NR6A1: variants seen among roughly 807,000 people sequenced by gnomAD.
The protein encoded by NR6A1 is nuclear receptor subfamily 6 group A member 1.
Under a neutral mutation model 59.1 loss-of-function variants are expected in NR6A1, and 7 were observed. That is an observed-to-expected ratio of 0.12 (90% CI 0.07 to 0.22). NR6A1 has a LOEUF of 0.22. Ranked by LOEUF, NR6A1 falls within the 10% of genes least tolerant of loss-of-function variation. NR6A1 has a pLI of 1.00. For synonymous variants in NR6A1, 243 were observed against 236.1 expected, an observed-to-expected ratio of 1.03 and a Z score of -0.27; for missense variants, 468 against 611.6, an observed-to-expected ratio of 0.77 and a Z score of 2.48.
At chr9:124,691,685 G>C (rs990238434) in intron 2 of NR6A1, among the ~76,000 whole-genome samples, 1 of 152,168 alleles carries the variant, frequency 6.6e-6, no homozygotes, top group East Asian at 1.9e-4. Flanking sequence ...TTTACATTAG[G>C]TGGTGGGTTT....
At chr9:124,754,552 G>A (rs1325260152) in intron 1 of NR6A1, among the ~76,000 whole-genome samples, 2 of 152,112 alleles carry the variant, frequency 1.3e-5, no homozygotes, top group African/African-American at 2.4e-5. Context: ...CTGGGCTGCA[G>A]GGCATGGGGG....
intron 2 of NR6A1, among the ~76,000 whole-genome samples, chr9:124,692,045 A>G (rs1025604856): frequency 5.3e-5 from 8 of 152,208 alleles, no homozygotes; most frequent in African/African-American, 1.9e-4. Context: ...TGGCAATGTA[A>G]CTTTAGGCAA....
At chr9:124,588,095 AAACT>A (rs1200136047) in intron 2 of NR6A1, among the ~76,000 whole-genome samples, 11 of 152,210 alleles carry the variant, frequency 7.2e-5, no homozygotes, top group African/African-American at 1.7e-4. Context: ...ATGGTTAGTG[AAACT>A]AACTAACTAA....
intron 2 of NR6A1, among the ~76,000 whole-genome samples, chr9:124,695,715 A>C (rs1838733826): frequency 6.6e-6 from 1 of 152,116 alleles, no homozygotes. Flanking sequence ...TGGTAGACAC[A>C]CAGAAGGTAC....
intron 1 of NR6A1, among the ~76,000 whole-genome samples, chr9:124,737,364 C>G (rs908916330): frequency 6.6e-6 from 1 of 152,162 alleles, no homozygotes; most frequent in African/African-American, 2.4e-5. Context: ...AAACCACATA[C>G]CTACTGACCA....
chr9:124,749,934 GATT>G (rs1319698878), intron 1 of NR6A1, among the ~76,000 whole-genome samples: 2 of 152,184 alleles, frequency 1.3e-5, no homozygotes, highest in African/African-American at 4.8e-5. Flanking sequence ...AGTAAGAGAT[GATT>G]ATTTGGTATA....
At chr9:124,721,727 AAT>A (rs1203987328) in intron 2 of NR6A1, among the ~76,000 whole-genome samples, 1 of 152,198 alleles carries the variant, frequency 6.6e-6, no homozygotes, top group Non-Finnish European at 1.5e-5. Flanking sequence ...ACACTTCAAA[AAT>A]AGTCTTCATT....
At chr9:124,547,313 C>T (rs983189028) in intron 3 of NR6A1, among the ~76,000 whole-genome samples, 3 of 152,198 alleles carry the variant, frequency 2.0e-5, no homozygotes, top group South Asian at 2.1e-4. Flanking sequence ...CAAAACCTGT[C>T]GGTGGTGCCT....
At position 124,615,673 on chromosome 9, in the gene NR6A1, T is replaced by A. The variant is rs573804072; in HGVS notation, c.143-61103A>T. Reference sequence around the variant, plus strand: ...CAAAACTTGGTAAGCAGACACTGAGTCACAAGGCTTTTGTCAAAGAGCTGA... The same window carrying A: ...CAAAACTTGGTAAGCAGACACTGAGACACAAGGCTTTTGTCAAAGAGCTGA... On this transcript the variant is annotated intron_variant, in intron 2 of 9. Coordinates refer to ENST00000487099, the MANE Select transcript of NR6A1 (RefSeq NM_033334.4). Among the ~76,000 whole-genome samples the A allele has an allele frequency of 4.0e-5, 6 of 151,806 alleles. No homozygotes were observed. In the South Asian group the frequency reaches 1.3e-3, roughly 32 times the overall value.
chr9:124,583,157 C>T (rs1341407255), intron 2 of NR6A1, among the ~76,000 whole-genome samples: 1 of 152,066 alleles, frequency 6.6e-6, no homozygotes, highest in African/African-American at 2.4e-5. Context: ...CACCCACACC[C>T]ACCCCTTGCT....
Position 124,635,775 on chromosome 9 carries a change from T to C in NR6A1, c.143-81205A>G, listed in dbSNP as rs554553153. On this transcript the variant is annotated intron_variant, in intron 2 of 9. Coordinates refer to ENST00000487099, the MANE Select transcript of NR6A1 (RefSeq NM_033334.4). ...TGTTATCTACTCTCCTACTGAAGGATATCTTGGTTGCTCCCATGTTTTGGC... is the reference window on the plus strand; with the variant it reads ...TGTTATCTACTCTCCTACTGAAGGACATCTTGGTTGCTCCCATGTTTTGGC... Among the ~76,000 whole-genome samples, 18 of 152,364 alleles carry C rather than the reference T, an allele frequency of 1.2e-4. No homozygotes were observed. In the East Asian group the frequency reaches 3.1e-3, roughly 26 times the overall value.
chr9:124,742,023 C>T (rs541551298), intron 1 of NR6A1, among the ~76,000 whole-genome samples: 13 of 152,232 alleles, frequency 8.5e-5, no homozygotes, highest in Admixed American at 8.5e-4. Context: ...CATGTGAAAG[C>T]ACTAAATAGA....
chr9:124,657,973 C>G (rs1221155856), intron 2 of NR6A1, among the ~76,000 whole-genome samples: 1 of 152,132 alleles, frequency 6.6e-6, no homozygotes, highest in East Asian at 1.9e-4. Flanking sequence ...CCTATAAAAT[C>G]AAGACCAAGG....
At chr9:124,579,155 C>T (rs758689218) in intron 2 of NR6A1, among the ~76,000 whole-genome samples, 9 of 152,234 alleles carry the variant, frequency 5.9e-5, no homozygotes, top group Non-Finnish European at 1.2e-4. Context: ...TGGTGGCATG[C>T]ACCTGTGGTC....
chr9:124,681,338 CTTTT>C (rs779847656), intron 2 of NR6A1, among the ~76,000 whole-genome samples: 3 of 110,782 alleles, frequency 2.7e-5, no homozygotes, highest in African/African-American at 6.8e-5. Flanking sequence ...AACATTTGAG[CTTTT>C]TTTTTTTTTT....
At position 124,681,429 on chromosome 9, in the gene NR6A1, C is replaced by G. The variant is rs1279991509; in HGVS notation, c.142+51879G>C. Among the ~76,000 whole-genome samples the G allele has an allele frequency of 2.6e-5, 4 of 151,142 alleles. No individual in the cohort carries two copies. The East Asian group carries it at 7.8e-4, about 29-fold the overall frequency. ...TGGTCTCGGCTCACTGCAACCTCCA[C>G]CTTCCGGGTTCAGGCGATTCTCCTG... is the stretch of plus-strand genomic sequence containing the variant. On this transcript the variant is annotated intron_variant, in intron 2 of 9. Transcript: ENST00000487099.
At chr9:124,738,521 A>C (rs899997270) in intron 1 of NR6A1, among the ~76,000 whole-genome samples, 1 of 152,224 alleles carries the variant, frequency 6.6e-6, no homozygotes, top group Non-Finnish European at 1.5e-5. Context: ...ATGTTACTGC[A>C]AAGGTTATAT....
intron 2 of NR6A1, among the ~76,000 whole-genome samples, chr9:124,679,633 G>A (rs1223777737): frequency 1.3e-5 from 2 of 152,068 alleles, no homozygotes; most frequent in African/African-American, 2.4e-5. Context: ...GCTGATGCCT[G>A]TAATTCCAGC....
intron 2 of NR6A1, among the ~76,000 whole-genome samples, chr9:124,681,543 T>C (rs918344728): frequency 1.3e-5 from 2 of 152,084 alleles, no homozygotes; most frequent in Admixed American, 6.6e-5. Flanking sequence ...GTTTTCGTTA[T>C]GTTGGTCAGG....
Sources: gnomAD v4.1 joint callset for allele counts (sites outside exome capture counted in the v4.1 genomes callset) on GRCh38, gnomAD v4.1.1 for gene constraint, MANE v1.5 for transcripts, NCBI Gene and HGNC (gene_info 2026-07-23, HGNC 2026-07-21) for gene names.